The following VIL1 variants were observed in gnomAD, a reference collection of about 807,000 sequenced individuals.
The protein encoded by VIL1 is villin 1, also known as villin-1.
Under a neutral mutation model 104.0 loss-of-function variants are expected in VIL1, and 86 were observed. That is an observed-to-expected ratio of 0.83 (90% CI 0.69 to 0.99). The LOEUF (loss-of-function observed/expected upper bound fraction) is 0.99, where lower values mean the gene tolerates loss of function less well. Ranked by LOEUF, VIL1 falls within the 50% of genes least tolerant of loss-of-function variation. VIL1 has a pLI of 0.00. For synonymous variants in VIL1, 394 were observed against 412.6 expected (o/e 0.95, Z 0.55); for missense variants, 944 against 1,054.1 (o/e 0.90, Z 1.45).
intron 17 of VIL1, 46 bp downstream of exon 17, chr2:218,437,358 G>C: frequency 6.3e-7 from 1 of 1,594,964 alleles, no homozygotes; most frequent in Non-Finnish European, 8.6e-7. Context: ...CCTGCCTGGA[G>C]ATCAGTGCTG....
At position 218,434,629 on chromosome 2, in the gene VIL1, C is replaced by T. The variant is rs878905657; in HGVS notation, c.1604C>T (p.Ala535Val). The change falls in exon 14 of 20, where the codon GCG becomes GTG. Residue 535 changes from alanine (A) to valine (V), a missense_variant. Physicochemically the swap from Ala to Val is moderately conservative, Grantham distance 64. Coordinates refer to ENST00000248444, the MANE Select transcript of VIL1 (RefSeq NM_007127.3). ...AACACCAAGGCCTTTGAGGTCCCAG[C>T]GCGGGCCAATTTCCTCAATTCCAAT... ...ANNTKAFEVP[A>V]RANFLNSNDV... 6.2e-6 allele frequency: 10 copies of T among 1,614,074 alleles called. No individual in the cohort carries two copies. The highest frequency in any genetic ancestry group is 3.3e-5 in the Admixed American group (2 of 59,994).
Position 218,449,449 on chromosome 2 carries a change from G to A in VIL1, c.*113G>A. ...TGAAATTTTGCAGATGTGCCTATGA[G>A]CACAAACTTCTGTGGCAAATGCCAG... On this transcript the variant is annotated 3_prime_UTR_variant, in exon 20 of 20. Coordinates refer to ENST00000248444, the MANE Select transcript of VIL1 (RefSeq NM_007127.3). 1 of 833,024 alleles carries A rather than the reference G, an allele frequency of 1.2e-6. No homozygotes were observed. The highest frequency in any genetic ancestry group is 1.5e-5 in the South Asian group (1 of 68,612). 51.6% of individuals were successfully genotyped at this position (833,024 alleles called of 1,614,324 possible). A position where few individuals can be genotyped will look rare whatever the true frequency, so the allele number is the denominator to read the frequency against.
Position 218,438,670 on chromosome 2 carries a change from T to C in VIL1, c.2173T>C (p.Tyr725His). 6.2e-7 allele frequency: 1 copy of C among 1,612,394 alleles called. No individual in the cohort carries two copies. Among genetic ancestry groups the C allele is most frequent in the Non-Finnish European group, 8.5e-7 (1 of 1,179,620 alleles). The change falls in exon 18 of 20, where the codon TAT becomes CAT. Residue 725 changes from tyrosine (Y) to histidine (H), a missense_variant. By Grantham distance (83) the Tyr-to-His change is moderately conservative. Transcript: ENST00000248444. ...ACTTTATGTGCAGAACACCAAATCC[T>C]ATGAGGACCTGAAGGCGGAGCTTGG... ...DPFKWSNTKS[Y>H]EDLKAELGNS...
intron 10 of VIL1, chr2:218,431,138 C>A: frequency 1.8e-6 from 1 of 563,710 alleles, no homozygotes; most frequent in South Asian, 2.4e-5. Context: ...CACCTGAGGT[C>A]AGGAGTTTGA....
chr2:218,434,448 A>T, intron 13 of VIL1, 78 bp from the exon 14 acceptor site: 1 of 1,439,874 alleles, frequency 6.9e-7, no homozygotes, highest in Admixed American at 2.0e-5. Context: ...GCCCTACCCT[A>T]TCCCCCTCTG....
chr2:218,434,730 C>T (rs1171550328), intron 14 of VIL1, 25 bp downstream of exon 14: 24 of 1,585,552 alleles, frequency 1.5e-5, no homozygotes, highest in Non-Finnish European at 2.1e-5. Context: ...TAGAGGCCTC[C>T]CCATCCGCAA....
chr2:218,420,259 G>A (rs1266444952), intron 1 of VIL1, among the ~76,000 whole-genome samples: 2 of 151,862 alleles, frequency 1.3e-5, no homozygotes, highest in South Asian at 4.1e-4. Flanking sequence ...GTGAAACCCC[G>A]TTTCTACTAA....
Position 218,436,473 on chromosome 2 carries a change from A to G in VIL1, c.1827-9A>G, listed in dbSNP as rs769800916. ...CTTCTGCCAGTACAATCTTCTCTCC[A>G]TCCTGCAGACTACAGGAAGAAAACC... On this transcript the variant is annotated splice_polypyrimidine_tract_variant and intron_variant, in intron 15 of 19. Coordinates refer to ENST00000248444, the MANE Select transcript of VIL1 (RefSeq NM_007127.3). 4.3e-6 allele frequency: 7 copies of G among 1,612,614 alleles called. No individual in the cohort carries two copies. In the Admixed American group the frequency reaches 5.0e-5, roughly 12 times the overall value.
intron 4 of VIL1, 137 bp from the exon 5 acceptor site, chr2:218,427,828 C>T: frequency 1.3e-6 from 1 of 743,716 alleles, no homozygotes; most frequent in Admixed American, 2.1e-5. Flanking sequence ...AAGTTTGCGC[C>T]CTCAGCACCT....
At chr2:218,441,440 C>G (rs1191768727) in intron 19 of VIL1, among the ~76,000 whole-genome samples, 1 of 151,758 alleles carries the variant, frequency 6.6e-6, no homozygotes, top group South Asian at 2.1e-4. Flanking sequence ...TTAGAGATTT[C>G]TTTCTGAAAG....
intron 1 of VIL1, among the ~76,000 whole-genome samples, chr2:218,422,439 T>C (rs1277149229): frequency 6.6e-6 from 1 of 152,122 alleles, no homozygotes; most frequent in Non-Finnish European, 1.5e-5. Context: ...GGTTGCCTGA[T>C]GGAGAAGGCC....
At chr2:218,445,045 A>G (rs1202276359) in intron 19 of VIL1, among the ~76,000 whole-genome samples, 1 of 152,084 alleles carries the variant, frequency 6.6e-6, no homozygotes, top group Non-Finnish European at 1.5e-5. Context: ...GATTTGGGGT[A>G]TGGCAGCTTC....
Position 218,429,285 on chromosome 2 carries a change from G to A in VIL1, c.568G>A (p.Gly190Ser). Residue 190 changes from glycine (G) to serine (S), a missense_variant and splice_region_variant, in exon 7 of 20, where the codon GGC becomes AGC. Transcript: ENST00000248444. Reference protein sequence around the residue: ...PESTRMERLRGMTLAKEIRDQ... With the variant: ...PESTRMERLRSMTLAKEIRDQ... ...TGGGTCACCAGGGGCCTTCCTGCAG[G>A]GCATGACTCTGGCCAAGGAGATCCG... The A allele has an allele frequency of 6.2e-7, 1 of 1,611,472 alleles. No homozygotes were observed. Among genetic ancestry groups the A allele is most frequent in the Non-Finnish European group, 8.5e-7 (1 of 1,178,420 alleles).
At chr2:218,437,955 G>A (rs1303770912) in intron 17 of VIL1, among the ~76,000 whole-genome samples, 1 of 152,178 alleles carries the variant, frequency 6.6e-6, no homozygotes, top group African/African-American at 2.4e-5. Context: ...GTGGCTCTGG[G>A]TGCTCTAAAT....
In VIL1 at chr2:218,422,490, C is replaced by A. The variant is rs542965749; in HGVS notation, c.-11-1278C>A. ...TCAGACAGGACCCAAGCCCAAGGGG[C>A]TCCTACAGTTACACGGCAAGCTGCT... On this transcript the variant is annotated intron_variant, in intron 1 of 19. Transcript: ENST00000248444. 4.6e-5 allele frequency among the ~76,000 whole-genome samples: 7 copies of A among 152,304 alleles called. No individual in the cohort carries two copies. The East Asian group carries it at 1.4e-3, about 29-fold the overall frequency.
chr2:218,431,217 G>T, intron 10 of VIL1: 1 of 471,660 alleles, frequency 2.1e-6, no homozygotes. Context: ...CAAGCATGGT[G>T]GTGCATGCCT....
intron 3 of VIL1, among the ~76,000 whole-genome samples, chr2:218,424,874 G>A (rs1234165344): frequency 6.6e-6 from 1 of 152,054 alleles, no homozygotes; most frequent in African/African-American, 2.4e-5. Context: ...TGATCAGGCT[G>A]GTTTCGAACT....
At chr2:218,420,585 T>G (rs1191761636) in intron 1 of VIL1, among the ~76,000 whole-genome samples, 4 of 150,394 alleles carry the variant, frequency 2.7e-5, no homozygotes, top group East Asian at 3.9e-4. Context: ...TTTGTTTTTT[T>G]TTTTTTTGTT....
chr2:218,424,857 A>G (rs564257636), intron 3 of VIL1, among the ~76,000 whole-genome samples: 10 of 152,142 alleles, frequency 6.6e-5, no homozygotes, highest in African/African-American at 2.4e-4. Flanking sequence ...ACGGGGTTTC[A>G]CCATGTTGAT....
Sources: gnomAD v4.1 joint callset for allele counts (sites outside exome capture counted in the v4.1 genomes callset) on GRCh38, gnomAD v4.1.1 for gene constraint, MANE v1.5 for transcripts, NCBI Gene and HGNC (gene_info 2026-07-23, HGNC 2026-07-21) for gene names.